The following FAM90A20 variants were observed in gnomAD, a reference collection of about 807,000 sequenced individuals.
FAM90A20 encodes the protein family with sequence similarity 90 member A20, also known as protein FAM90A20.
At chr8:7,295,758 C>A in the FAM90A20 span, 6 of 1,275,814 alleles carry the variant, frequency 4.7e-6, no homozygotes, top group South Asian at 1.2e-5. Flanking sequence ...AACCTGAAAC[C>A]ATGGAAGCCT....
chr8:7,297,199 T>G, the FAM90A20 span: 4 of 1,527,736 alleles, frequency 2.6e-6, no homozygotes, highest in East Asian at 4.5e-5. Context: ...GAAAAGCCAG[T>G]CTGAGCTCCT....
chr8:7,297,660 G>C, the FAM90A20 span: 116,864 of 1,360,566 alleles, frequency 0.086, 13,074 homozygotes, highest in African/African-American at 0.16. Context: ...GGACCAAGTA[G>C]GTCGCCCCAG....
At chr8:7,297,030 A>T in the FAM90A20 span, 1 of 1,457,714 alleles carries the variant, frequency 6.9e-7, no homozygotes, top group Non-Finnish European at 9.1e-7. Context: ...ATGCTGAGGA[A>T]CTTCTAACCT....
the FAM90A20 span, chr8:7,297,652 A>T: frequency 1.4e-6 from 2 of 1,397,440 alleles, no homozygotes; most frequent in South Asian, 1.1e-5. Context: ...CCGAACTTGG[A>T]CCAAGTAGGT....
chr8:7,296,835 G>T, the FAM90A20 span, among the ~76,000 whole-genome samples: 12 of 136,518 alleles, frequency 8.8e-5, 1 homozygote, highest in Non-Finnish European at 7.5e-5. Flanking sequence ...GCAATCTTTT[G>T]AACAATGGTG....
chr8:7,297,194 G>T, the FAM90A20 span: 7 of 1,536,044 alleles, frequency 4.6e-6, 1 homozygote, highest in Non-Finnish European at 6.2e-6. Flanking sequence ...CCTCAGAAAA[G>T]CCAGTCTGAG....
At chr8:7,295,756 A>G in the FAM90A20 span, 7 of 1,265,426 alleles carry the variant, frequency 5.5e-6, 2 homozygotes, top group Non-Finnish European at 7.8e-6. Context: ...AAAACCTGAA[A>G]CCATGGAAGC....
the FAM90A20 span, chr8:7,297,785 C>T: frequency 2.9e-5 from 39 of 1,334,000 alleles, 13 homozygotes; most frequent in African/African-American, 8.0e-4. Context: ...AGCGGCCAGC[C>T]ATGATGGGGC....
chr8:7,296,408 C>T, the FAM90A20 span: 6 of 739,046 alleles, frequency 8.1e-6, no homozygotes, highest in Non-Finnish European at 1.5e-5. Context: ...GTGAGTGTCA[C>T]CCCGGGCCCC....
At chr8:7,297,312 C>A in the FAM90A20 span, 5 of 1,353,068 alleles carry the variant, frequency 3.7e-6, 1 homozygote, top group South Asian at 1.2e-5. Context: ...GTGGTGGAGC[C>A]GACACACAGC....
At chr8:7,297,504 G>T in the FAM90A20 span, 8 of 1,514,980 alleles carry the variant, frequency 5.3e-6, no homozygotes, top group Middle Eastern at 2.3e-4. Context: ...GGAGCCAAGA[G>T]ACCTGCCCAG....
chr8:7,295,683 G>A, the FAM90A20 span: 14 of 722,918 alleles, frequency 1.9e-5, 2 homozygotes, highest in Non-Finnish European at 1.7e-5. Context: ...AGTACCAGGT[G>A]CCCCATGAAG....
the FAM90A20 span, chr8:7,295,715 C>G: frequency 1.1e-6 from 1 of 892,120 alleles, no homozygotes; most frequent in South Asian, 1.3e-5. Context: ...AGCCCTGGTT[C>G]CAGCGACCTT....
the FAM90A20 span, chr8:7,297,129 G>T: frequency 9.2e-6 from 14 of 1,515,070 alleles, no homozygotes; most frequent in Non-Finnish European, 1.2e-5. Flanking sequence ...GTCCTCTCTG[G>T]TCGCTCAGCT....
At chr8:7,297,130 T>A in the FAM90A20 span, 2 of 1,519,302 alleles carry the variant, frequency 1.3e-6, no homozygotes, top group Non-Finnish European at 1.8e-6. Context: ...TCCTCTCTGG[T>A]CGCTCAGCTA....
chr8:7,295,659 G>A, the FAM90A20 span: 1 of 708,442 alleles, frequency 1.4e-6, no homozygotes, highest in South Asian at 1.4e-5. Flanking sequence ...GGGGCCTTTG[G>A]CCACACGGCC....
chr8:7,297,629 C>G, the FAM90A20 span: 3 of 1,414,830 alleles, frequency 2.1e-6, no homozygotes, highest in Admixed American at 3.4e-5. Flanking sequence ...TCTCCAACCT[C>G]CACCAGCCGC....
chr8:7,296,463 C>T, the FAM90A20 span: 2 of 695,168 alleles, frequency 2.9e-6, no homozygotes, highest in Non-Finnish European at 5.3e-6. Flanking sequence ...TTCCTTTCAG[C>T]TTCCCGTCTG....
the FAM90A20 span, chr8:7,297,859 G>T: frequency 1.2e-6 from 1 of 841,646 alleles, no homozygotes. Context: ...GCCTCCTGGC[G>T]GCCCCCTCAT....
Sources: allele counts gnomAD v4.1 joint callset (sites outside exome capture counted in the v4.1 genomes callset), GRCh38; gene constraint gnomAD v4.1.1; transcripts MANE v1.5; gene names NCBI Gene and HGNC (gene_info 2026-07-23, HGNC 2026-07-21).